HS6ST2: variants seen among roughly 807,000 people sequenced by gnomAD.
The protein encoded by HS6ST2 is heparan sulfate 6-O-sulfotransferase 2, also known as heparan-sulfate 6-O-sulfotransferase 2.
Under a neutral mutation model 33.0 loss-of-function variants are expected in HS6ST2, and 17 were observed. The ratio of observed to expected loss-of-function variants is 0.52; its 90% CI spans 0.35 to 0.77. The LOEUF (loss-of-function observed/expected upper bound fraction) is 0.77. HS6ST2 is among the 30% of genes least tolerant of loss of function. HS6ST2 has a pLI of 0.01. For synonymous variants in HS6ST2, 248 were observed against 237.1 expected (o/e 1.05, Z -0.42); for missense variants, 519 against 551.7 (o/e 0.94, Z 0.59).
intron 3 of HS6ST2, among the ~76,000 whole-genome samples, chrX:132,704,268 A>G (rs755292758): frequency 8.9e-6 from 1 of 112,601 alleles, no homozygotes; most frequent in East Asian, 2.8e-4. Flanking sequence ...AAGAAAGACG[A>G]TTTTGGCCAG....
intron 2 of HS6ST2, among the ~76,000 whole-genome samples, chrX:132,950,998 C>T (rs768883990): frequency 9.0e-6 from 1 of 110,789 alleles, no homozygotes; most frequent in Admixed American, 9.7e-5. Context: ...GGAGCCCTAA[C>T]CTGCCCCAGA....
At chrX:132,942,141 C>A (rs747707265) in intron 2 of HS6ST2, among the ~76,000 whole-genome samples, 1 of 111,467 alleles carries the variant, frequency 9.0e-6, no homozygotes, top group Admixed American at 9.6e-5. Flanking sequence ...ACATACTGTG[C>A]CACTTTCAGA....
At chrX:132,636,316 C>A (rs1034780276) in intron 4 of HS6ST2, among the ~76,000 whole-genome samples, 2 of 111,516 alleles carry the variant, frequency 1.8e-5, no homozygotes, top group African/African-American at 6.5e-5. Flanking sequence ...CATTTTATAC[C>A]TGTAATGGAG....
intron 2 of HS6ST2, among the ~76,000 whole-genome samples, chrX:132,893,264 A>T (rs1217289110): frequency 8.9e-6 from 1 of 112,271 alleles, no homozygotes; most frequent in Non-Finnish European, 1.9e-5. Context: ...CCTTAACTCT[A>T]GCAGCACCAC....
At chrX:132,943,151 A>G (rs1282367485) in intron 2 of HS6ST2, among the ~76,000 whole-genome samples, 1 of 112,083 alleles carries the variant, frequency 8.9e-6, no homozygotes, top group Non-Finnish European at 1.9e-5. Context: ...TTTTTTAAAA[A>G]CAAGCTAATA....
chrX:132,631,009 C>T (rs773880161), intron 4 of HS6ST2, among the ~76,000 whole-genome samples: 3 of 111,717 alleles, frequency 2.7e-5, no homozygotes, highest in East Asian at 5.6e-4. Flanking sequence ...TATATTTCCA[C>T]TTAAACTATG....
At chrX:132,707,125 A>G (rs180933936) in intron 3 of HS6ST2, among the ~76,000 whole-genome samples, 2 of 112,440 alleles carry the variant, frequency 1.8e-5, no homozygotes, top group Non-Finnish European at 3.8e-5. Context: ...ACTTCCCCAT[A>G]AAAGCTATTA....
chrX:132,777,782 A>G (rs765587739), intron 2 of HS6ST2, among the ~76,000 whole-genome samples: 1 of 110,792 alleles, frequency 9.0e-6, no homozygotes, highest in African/African-American at 3.3e-5. Flanking sequence ...TTTTAGACTA[A>G]TGCTCCATGT....
chrX:132,806,102 C>T (rs2065279405), intron 2 of HS6ST2, among the ~76,000 whole-genome samples: 1 of 110,045 alleles, frequency 9.1e-6, no homozygotes, highest in Non-Finnish European at 1.9e-5. Context: ...CACAACCAAC[C>T]CAGAGTCCTA....
intron 2 of HS6ST2, among the ~76,000 whole-genome samples, chrX:132,787,188 C>CACATATATATATATAT (rs2065073627): frequency 1.4e-5 from 1 of 69,904 alleles, no homozygotes; most frequent in Non-Finnish European, 2.5e-5. Context: ...TATATATATA[C>CACATATATATATATAT]ATATATATAT....
intron 2 of HS6ST2, among the ~76,000 whole-genome samples, chrX:132,760,078 T>C (rs750699541): frequency 9.0e-6 from 1 of 111,553 alleles, no homozygotes; most frequent in South Asian, 3.8e-4. Context: ...AGTGTGCATA[T>C]AGGAGGAAGA....
chrX:132,838,690 G>C (rs757057388), intron 2 of HS6ST2, among the ~76,000 whole-genome samples: 32 of 110,791 alleles, frequency 2.9e-4, no homozygotes, highest in Admixed American at 2.8e-3. Flanking sequence ...AGAAAAAGTG[G>C]TTCTGGATTT....
intron 2 of HS6ST2, among the ~76,000 whole-genome samples, chrX:132,921,547 T>C (rs750280276): frequency 2.7e-5 from 3 of 112,197 alleles, no homozygotes; most frequent in Non-Finnish European, 5.6e-5. Context: ...AAGACAGACA[T>C]GAAAGACATA....
intron 2 of HS6ST2, among the ~76,000 whole-genome samples, chrX:132,750,347 GAAAA>G (rs1156312851): frequency 2.8e-4 from 16 of 56,413 alleles, no homozygotes; most frequent in Non-Finnish European, 5.0e-4. Flanking sequence ...TGCCCATCAA[GAAAA>G]AAAAAAAAAA....
intron 2 of HS6ST2, among the ~76,000 whole-genome samples, chrX:132,865,024 T>G (rs145461904): frequency 2.7e-5 from 3 of 110,609 alleles, no homozygotes; most frequent in African/African-American, 9.8e-5. Context: ...ATGTGCACCA[T>G]GTGCAGCTTA....
chrX:132,628,500 C>A lies in HS6ST2; in HGVS notation c.1661G>T (p.Arg554Leu), dbSNP rs192014750. 1 of 1,209,011 alleles carries A rather than the reference C, an allele frequency of 8.3e-7. No individual in the cohort carries two copies. Among genetic ancestry groups the A allele is most frequent in the African/African-American group, 1.8e-5 (1 of 56,848 alleles). Residue 554 changes from arginine (R) to leucine (L), a missense_variant, in exon 5 of 5, where the codon CGT (arginine) becomes CTT (leucine). Arg to Leu is a moderately radical substitution (Grantham distance 102). Transcript: ENST00000370833. Reference protein sequence around the residue: ...QKEHQEARRKRQEQRKFLKGR... With the variant: ...QKEHQEARRKLQEQRKFLKGR... Reference sequence around the variant, plus strand: ...CTTCAGAAATTTGCGTTGTTCCTGACGCTTTCGCCTGGCCTCCTGATGCTC... The same window carrying A: ...CTTCAGAAATTTGCGTTGTTCCTGAAGCTTTCGCCTGGCCTCCTGATGCTC...
At chrX:132,779,711 T>A (rs1429093116) in intron 2 of HS6ST2, among the ~76,000 whole-genome samples, 3 of 108,797 alleles carry the variant, frequency 2.8e-5, no homozygotes, top group Non-Finnish European at 5.7e-5. Flanking sequence ...TGATGAAAAA[T>A]CAGCATTTCT....
At chrX:132,683,272 G>A (rs1013186885) in intron 3 of HS6ST2, among the ~76,000 whole-genome samples, 3 of 112,152 alleles carry the variant, frequency 2.7e-5, no homozygotes, top group Non-Finnish European at 5.6e-5. Flanking sequence ...ATGACCTATG[G>A]ATAACAATGG....
At chrX:132,920,892 C>G (rs1322308686) in intron 2 of HS6ST2, among the ~76,000 whole-genome samples, 1 of 112,268 alleles carries the variant, frequency 8.9e-6, no homozygotes, top group Non-Finnish European at 1.9e-5. Flanking sequence ...GCCTCTGCTC[C>G]CACCCAATAT....
Sources: gnomAD v4.1 joint callset for allele counts (sites outside exome capture counted in the v4.1 genomes callset) on GRCh38, gnomAD v4.1.1 for gene constraint, MANE v1.5 for transcripts, NCBI Gene and HGNC (gene_info 2026-07-23, HGNC 2026-07-21) for gene names.